Variants in PCDHA1 observed in about 807,000 individuals in gnomAD.
PCDHA1 encodes protocadherin alpha-1.
A neutral mutation model predicts 61.3 loss-of-function variants in PCDHA1; 42 were observed. The ratio of observed to expected loss-of-function variants is 0.69; its 90% confidence interval spans 0.54 to 0.89. The LOEUF (loss-of-function observed/expected upper bound fraction) is 0.89, where lower values mean the gene tolerates loss of function less well. PCDHA1 is among the 40% of genes least tolerant of loss of function. The probability of loss-of-function intolerance (pLI) is 0.00; values close to 1 mark genes in which losing one functional copy is unlikely to be tolerated. For missense variants in PCDHA1, 1,256 were observed against 1,235.3 expected (o/e 1.02, Z -0.25); for synonymous variants, 610 against 553.8 (o/e 1.10, Z -1.43).
intron 1 of PCDHA1, among the ~76,000 whole-genome samples, chr5:140,817,959 T>G (rs1302606162): frequency 6.6e-6 from 1 of 152,216 alleles, no homozygotes; most frequent in Non-Finnish European, 1.5e-5. Context: ...TCAATTAGTG[T>G]GTCTTTTTTT....
At chr5:140,877,467 G>C (rs1554169776) in intron 1 of PCDHA1, 3 of 1,613,752 alleles carry the variant, frequency 1.9e-6, no homozygotes, top group African/African-American at 2.7e-5. Flanking sequence ...CGGCCACGGT[G>C]CTGGTGTCGC....
chr5:140,859,508 T>G (rs1298997050), intron 1 of PCDHA1: 1 of 197,594 alleles, frequency 5.1e-6, no homozygotes, highest in Non-Finnish European at 1.0e-5. Context: ...CTGATACCCA[T>G]GATTTCATTT....
At chr5:140,791,447 A>C (rs1761651054) in intron 1 of PCDHA1, among the ~76,000 whole-genome samples, 1 of 152,246 alleles carries the variant, frequency 6.6e-6, no homozygotes. Context: ...CAATAACTAC[A>C]AAGGACTCTG....
intron 1 of PCDHA1, chr5:140,876,551 A>C: frequency 6.2e-7 from 1 of 1,614,184 alleles, no homozygotes; most frequent in Non-Finnish European, 8.5e-7. Flanking sequence ...CTCCCTGTGC[A>C]AGAGGATGCT....
At chr5:140,852,188 C>A in intron 1 of PCDHA1, 1 of 732,160 alleles carries the variant, frequency 1.4e-6, no homozygotes, top group Non-Finnish European at 1.7e-6. Flanking sequence ...TATGAAAATG[C>A]CAGTAACGTT....
At chr5:140,867,122 T>C (rs2049769007) in intron 1 of PCDHA1, 1 of 152,160 alleles carries the variant, frequency 6.6e-6, no homozygotes. Context: ...TTGTTTTAAT[T>C]CAAATATGTG....
chr5:140,877,021 G>A, intron 1 of PCDHA1: 1 of 1,612,514 alleles, frequency 6.2e-7, no homozygotes, highest in Non-Finnish European at 8.5e-7. Context: ...GAGCGGCAAG[G>A]TGTACGCGCT....
At chr5:140,821,308 A>G (rs2150109237) in intron 1 of PCDHA1, among the ~76,000 whole-genome samples, 37 of 152,184 alleles carry the variant, frequency 2.4e-4, no homozygotes, top group African/African-American at 8.4e-4. Context: ...TATAAAATAC[A>G]CCAGCACAAA....
chr5:140,806,047 C>T (rs541263221), intron 1 of PCDHA1, among the ~76,000 whole-genome samples: 4 of 152,090 alleles, frequency 2.6e-5, no homozygotes, highest in African/African-American at 7.2e-5. Flanking sequence ...AATAAATGGC[C>T]CACGCGATTC....
chr5:140,840,665 C>T (rs1298180893), intron 1 of PCDHA1, among the ~76,000 whole-genome samples: 2 of 151,998 alleles, frequency 1.3e-5, no homozygotes, highest in Non-Finnish European at 2.9e-5. Context: ...TATGCACATA[C>T]ATTTTTATTA....
intron 1 of PCDHA1, among the ~76,000 whole-genome samples, chr5:140,976,117 G>C (rs782098917): frequency 5.4e-4 from 82 of 152,208 alleles, no homozygotes; most frequent in Admixed American, 1.4e-3. Flanking sequence ...ATTTTTCCAA[G>C]TTTAATCAAG....
intron 1 of PCDHA1, chr5:140,863,385 G>C: frequency 9.7e-7 from 1 of 1,030,864 alleles, no homozygotes; most frequent in Non-Finnish European, 1.4e-6. Context: ...CCGAGAGCTC[G>C]TGCATGCCGG....
intron 1 of PCDHA1, among the ~76,000 whole-genome samples, chr5:140,916,184 A>C (rs1554197322): frequency 6.6e-6 from 1 of 152,092 alleles, no homozygotes. Context: ...CTCTTCAAGG[A>C]AGTGGGCACC....
intron 1 of PCDHA1, chr5:140,884,124 G>T: frequency 6.2e-7 from 1 of 1,613,344 alleles, no homozygotes; most frequent in South Asian, 1.1e-5. Flanking sequence ...GTCGGCGCGC[G>T]CATCCCGTTC....
chr5:140,799,581 C>T (rs116159920), intron 1 of PCDHA1, among the ~76,000 whole-genome samples: 2,322 of 152,006 alleles, frequency 0.015, 64 homozygotes, highest in African/African-American at 0.052. Context: ...TTGATATTAA[C>T]AAATATCATT....
chr5:140,839,264 A>G (rs1213155115), intron 1 of PCDHA1, among the ~76,000 whole-genome samples: 2 of 152,102 alleles, frequency 1.3e-5, no homozygotes, highest in African/African-American at 4.8e-5. Context: ...ACATGCATGT[A>G]TATTTAAAAC....
chr5:140,946,916 T>C (rs1554217963), intron 1 of PCDHA1, among the ~76,000 whole-genome samples: 4 of 151,468 alleles, frequency 2.6e-5, no homozygotes, highest in Non-Finnish European at 5.9e-5. Context: ...GTTCTGGTGT[T>C]TTATTGAACA....
intron 1 of PCDHA1, chr5:140,809,612 T>TAAA: frequency 6.6e-7 from 1 of 1,520,526 alleles, no homozygotes; most frequent in Non-Finnish European, 8.8e-7. Context: ...TTCGTATTGT[T>TAAA]TTTCTCTATC....
chr5:140,876,017 T>C lies in PCDHA1; in HGVS notation c.2394+87333T>C, dbSNP rs371785405. The C allele has an allele frequency of 8.7e-6, 14 of 1,613,124 alleles. No homozygotes were observed. Among genetic ancestry groups the C allele is most frequent in the Admixed American group, 3.3e-5 (2 of 59,812 alleles). ...CTAAATGAGAATTTTGAGCTTAAAA[T>C]AAAAACAAAAAAAGATAAAAGTATA... On this transcript the variant is annotated intron_variant, in intron 1 of 3. Transcript: ENST00000504120.
Sources: allele counts gnomAD v4.1 joint callset (sites outside exome capture counted in the v4.1 genomes callset), GRCh38; gene constraint gnomAD v4.1.1; transcripts MANE v1.5; gene names NCBI Gene and HGNC (gene_info 2026-07-23, HGNC 2026-07-21).